Variants in SLC25A13 observed in about 807,000 individuals in gnomAD.
SLC25A13 encodes the protein electrogenic aspartate/glutamate antiporter SLC25A13, mitochondrial.
Under a neutral mutation model 85.5 loss-of-function variants are expected in SLC25A13, and 70 were observed. The ratio of observed to expected loss-of-function variants is 0.82; its 90% CI spans 0.68 to 1.00. The LOEUF is 1.00. SLC25A13 is among the 50% of genes least tolerant of loss of function. SLC25A13 has a pLI of 0.00. For missense variants in SLC25A13, 765 were observed against 819.8 expected, an observed-to-expected ratio of 0.93 and a Z score of 0.82; for synonymous variants, 259 against 288.7, an observed-to-expected ratio of 0.90 and a Z score of 1.04.
At chr7:96,131,060 GT>G (rs1792008963) in intron 15 of SLC25A13, among the ~76,000 whole-genome samples, 1 of 152,150 alleles carries the variant, frequency 6.6e-6, no homozygotes, top group South Asian at 2.1e-4. Context: ...CCGCCTTAGG[GT>G]TTGTTAACTT....
intron 2 of SLC25A13, among the ~76,000 whole-genome samples, chr7:96,281,345 C>T (rs531219742): frequency 2.0e-5 from 3 of 149,696 alleles, no homozygotes; most frequent in African/African-American, 7.4e-5. Flanking sequence ...GAGCTGAGAC[C>T]GCCCCATTGC....
intron 11 of SLC25A13, 108 bp downstream of exon 11, chr7:96,184,169 G>T: frequency 7.3e-7 from 1 of 1,368,290 alleles, no homozygotes; most frequent in Non-Finnish European, 1.0e-6. Flanking sequence ...AAAATCTGCT[G>T]TATTTCCATT....
At chr7:96,269,156 T>C (rs1798139718) in intron 3 of SLC25A13, among the ~76,000 whole-genome samples, 1 of 152,188 alleles carries the variant, frequency 6.6e-6, no homozygotes, top group South Asian at 2.1e-4. Flanking sequence ...TACACAACTG[T>C]GCCAAGCACA....
intron 2 of SLC25A13, among the ~76,000 whole-genome samples, chr7:96,294,173 C>T (rs1220691419): frequency 4.6e-5 from 7 of 151,760 alleles, no homozygotes; most frequent in Admixed American, 3.3e-4. Context: ...AGCAAACTAT[C>T]GCAAGAACAA....
intron 13 of SLC25A13, among the ~76,000 whole-genome samples, chr7:96,164,351 C>T (rs1793649517): frequency 6.6e-6 from 1 of 152,270 alleles, no homozygotes; most frequent in South Asian, 2.1e-4. Flanking sequence ...ACATTTTGGA[C>T]CTTCTAGCTG....
At chr7:96,316,332 C>T (rs1480149549) in intron 1 of SLC25A13, among the ~76,000 whole-genome samples, 11 of 152,184 alleles carry the variant, frequency 7.2e-5, no homozygotes, top group Admixed American at 5.9e-4. Flanking sequence ...CAGGGATTTG[C>T]GATCTGGTTG....
intron 5 of SLC25A13, among the ~76,000 whole-genome samples, chr7:96,195,165 A>T (rs1795012460): frequency 6.6e-6 from 1 of 152,170 alleles, no homozygotes; most frequent in South Asian, 2.1e-4. Flanking sequence ...TATCGTGTAA[A>T]GGCCATAAAA....
At chr7:96,211,723 C>T (rs1325265520) in intron 4 of SLC25A13, among the ~76,000 whole-genome samples, 4 of 152,168 alleles carry the variant, frequency 2.6e-5, no homozygotes, top group Non-Finnish European at 5.9e-5. Context: ...AGGTTAAGGA[C>T]AGCGGTATTA....
intron 4 of SLC25A13, among the ~76,000 whole-genome samples, chr7:96,234,423 G>A (rs1453455016): frequency 6.6e-6 from 1 of 152,162 alleles, no homozygotes; most frequent in Non-Finnish European, 1.5e-5. Flanking sequence ...AGTATAGGGT[G>A]CATAAGTAAC....
chr7:96,243,865 C>G (rs576866937), intron 3 of SLC25A13, among the ~76,000 whole-genome samples: 48 of 152,066 alleles, frequency 3.2e-4, no homozygotes, highest in Middle Eastern at 6.8e-3. Context: ...AGGGAGGTGC[C>G]GGGCATAAAA....
Position 96,130,976 on chromosome 7 carries a change from C to G in SLC25A13, c.1591+767G>C, listed in dbSNP as rs1291396155. ...GTTCTTATGCTATCTTTGAGAAAAGCATGGAGACTCTAGTTACATATCTGA... is the reference window on the plus strand; with the variant it reads ...GTTCTTATGCTATCTTTGAGAAAAGGATGGAGACTCTAGTTACATATCTGA... On this transcript the variant is annotated intron_variant, in intron 15 of 17. Coordinates refer to ENST00000265631, the MANE Select transcript of SLC25A13 (RefSeq NM_014251.3). Among the ~76,000 whole-genome samples, 3 of 152,288 alleles carry G rather than the reference C, an allele frequency of 2.0e-5. No homozygotes were observed. The East Asian group carries it at 5.8e-4, about 29-fold the overall frequency.
chr7:96,189,376 C>A lies in SLC25A13; in HGVS notation c.851G>T (p.Arg284Leu), dbSNP rs771117913. ...QLADLYEPRGRMTLADIERIA... is the reference protein window; with the variant it reads ...QLADLYEPRGLMTLADIERIA... ...CCGTTCAATGTCTGCTAAGGTCATA[C>A]GTCTGTAGGGGAAAAACAAACACAA... is the stretch of plus-strand genomic sequence containing the variant. Residue 284 changes from arginine (R) to leucine (L), a missense_variant and splice_region_variant, in exon 9 of 18, where the codon CGT (arginine) becomes CTT (leucine). Transcript: ENST00000265631. 3 of 1,613,758 alleles carry A rather than the reference C, an allele frequency of 1.9e-6. No homozygotes were observed. Among genetic ancestry groups the A allele is most frequent in the Non-Finnish European group, 2.5e-6 (3 of 1,179,924 alleles).
chr7:96,204,919 A>T (rs1032524806), intron 5 of SLC25A13, among the ~76,000 whole-genome samples: 14 of 152,022 alleles, frequency 9.2e-5, no homozygotes, highest in Admixed American at 6.6e-4. Context: ...TTATTTATTT[A>T]TTTTTTTGAG....
At chr7:96,157,674 C>T (rs927309691) in intron 13 of SLC25A13, among the ~76,000 whole-genome samples, 1 of 151,930 alleles carries the variant, frequency 6.6e-6, no homozygotes, top group East Asian at 1.9e-4. Flanking sequence ...CATGGTGGTG[C>T]GTGCCTGTAG....
intron 12 of SLC25A13, 60 bp from the exon 13 acceptor site, chr7:96,170,185 A>G: frequency 7.1e-7 from 1 of 1,399,648 alleles, no homozygotes; most frequent in Non-Finnish European, 1.0e-6. Context: ...TTAAACACTT[A>G]TAAATATGCA....
At chr7:96,123,502 C>A (rs1265865745) in intron 15 of SLC25A13, among the ~76,000 whole-genome samples, 2 of 152,124 alleles carry the variant, frequency 1.3e-5, no homozygotes, top group Non-Finnish European at 2.9e-5. Context: ...TTCATAAACT[C>A]TTCTTTGTTA....
chr7:96,285,164 T>C (rs1324904608), intron 2 of SLC25A13, among the ~76,000 whole-genome samples: 5 of 152,186 alleles, frequency 3.3e-5, no homozygotes, highest in Admixed American at 6.5e-5. Flanking sequence ...CTGCTCTCTC[T>C]CATCCATTAT....
intron 11 of SLC25A13, among the ~76,000 whole-genome samples, chr7:96,172,038 C>T (rs1562813590): frequency 1.3e-5 from 2 of 151,762 alleles, no homozygotes; most frequent in African/African-American, 2.4e-5. Context: ...CTGTGTCATA[C>T]TGAGAGAGGT....
Position 96,131,831 on chromosome 7 carries a change from A to G in SLC25A13, c.1503T>C (p.Phe501=), listed in dbSNP as rs745628778. The change falls in exon 15 of 18, where the codon TTT becomes TTC. Residue 501 remains phenylalanine (F), a synonymous_variant. Transcript: ENST00000265631. ...LRDIPFSAIY[F]PCYAHVKASF... is the part of the protein sequence containing the mutation. ...AAGCCTTCACATGAGCATAGCACGG[A>G]AAGTAGATGGCCGAGAAAGGAATGT... 1 of 1,614,124 alleles carries G rather than the reference A, an allele frequency of 6.2e-7. No individual in the cohort carries two copies. Among genetic ancestry groups the G allele is most frequent in the Non-Finnish European group, 8.5e-7 (1 of 1,180,008 alleles).
Sources: allele counts gnomAD v4.1 joint callset (sites outside exome capture counted in the v4.1 genomes callset), GRCh38; gene constraint gnomAD v4.1.1; transcripts MANE v1.5; gene names NCBI Gene and HGNC (gene_info 2026-07-23, HGNC 2026-07-21).